DISC1: variants seen among roughly 807,000 people sequenced by gnomAD.
DISC1 encodes disrupted in schizophrenia 1 protein.
DISC1 carries 57 observed loss-of-function variants against 84.5 expected under a neutral mutation model. That is an observed-to-expected ratio of 0.67 (90% CI 0.55 to 0.84). DISC1 has a LOEUF of 0.84. Among genes scored for constraint, DISC1 ranks in the 40% least tolerant of loss-of-function variants. The probability of loss-of-function intolerance (pLI) is 0.00; values close to 1 mark genes in which losing one functional copy is unlikely to be tolerated. For synonymous variants in DISC1, 411 were observed against 415.2 expected (o/e 0.99, Z 0.12); for missense variants, 1,000 against 1,057.8 (o/e 0.95, Z 0.76).
intron 1 of DISC1, among the ~76,000 whole-genome samples, chr1:231,682,367 A>C (rs1417314924): frequency 6.6e-6 from 1 of 152,222 alleles, no homozygotes; most frequent in Non-Finnish European, 1.5e-5. Flanking sequence ...CTGTTTTTCA[A>C]GTGCCTTCAG....
At chr1:231,761,203 A>G (rs2075631842) in intron 4 of DISC1, among the ~76,000 whole-genome samples, 1 of 152,134 alleles carries the variant, frequency 6.6e-6, no homozygotes, top group Non-Finnish European at 1.5e-5. Flanking sequence ...CCCCATTGGC[A>G]CTGAGTGCTG....
chr1:231,911,960 G>C (rs183615515), intron 9 of DISC1, among the ~76,000 whole-genome samples: 85 of 152,038 alleles, frequency 5.6e-4, no homozygotes, highest in Non-Finnish European at 2.8e-4. Context: ...CCACTTGATC[G>C]AATCAGCTAC....
intron 9 of DISC1, among the ~76,000 whole-genome samples, chr1:231,920,106 T>G (rs2089906247): frequency 6.6e-6 from 1 of 152,162 alleles, no homozygotes; most frequent in South Asian, 2.1e-4. Flanking sequence ...CACTCTCAGT[T>G]GTGACAATCA....
chr1:231,860,699 C>G (rs531880041), intron 9 of DISC1, among the ~76,000 whole-genome samples: 23 of 152,286 alleles, frequency 1.5e-4, no homozygotes, highest in African/African-American at 4.8e-4. Flanking sequence ...TATCTTCAGA[C>G]TTATCACTAT....
chr1:231,661,736 C>T (rs978970577), intron 1 of DISC1, among the ~76,000 whole-genome samples: 1 of 152,178 alleles, frequency 6.6e-6, no homozygotes, highest in Non-Finnish European at 1.5e-5. Context: ...CTTCTGAAGT[C>T]TACTTCTGTC....
At chr1:231,871,067 T>TA (rs2085423531) in intron 9 of DISC1, among the ~76,000 whole-genome samples, 1 of 152,174 alleles carries the variant, frequency 6.6e-6, no homozygotes, top group South Asian at 2.1e-4. Context: ...ATAGGGCAGA[T>TA]ACTGTGTGCG....
chr1:231,890,598 T>C (rs2087135192), intron 9 of DISC1, among the ~76,000 whole-genome samples: 2 of 152,144 alleles, frequency 1.3e-5, no homozygotes, highest in Non-Finnish European at 2.9e-5. Context: ...GGGAGTTAAG[T>C]GTAATAGGTG....
intron 3 of DISC1, among the ~76,000 whole-genome samples, chr1:231,704,175 A>G (rs2066742398): frequency 6.6e-6 from 1 of 152,160 alleles, no homozygotes; most frequent in Non-Finnish European, 1.5e-5. Context: ...GCCCTCAGTA[A>G]ATGTGGTGTG....
At chr1:231,773,647 G>C (rs1173208781) in intron 6 of DISC1, among the ~76,000 whole-genome samples, 3 of 152,156 alleles carry the variant, frequency 2.0e-5, no homozygotes, top group Non-Finnish European at 2.9e-5. Context: ...GCCTCCCAAA[G>C]TGCTGAGATT....
chr1:231,658,469 T>G (rs1217780989), intron 1 of DISC1, among the ~76,000 whole-genome samples: 1 of 152,202 alleles, frequency 6.6e-6, no homozygotes, highest in Non-Finnish European at 1.5e-5. Context: ...ACACCCTTTA[T>G]TTTGTTCTCT....
At chr1:231,636,063 TC>T (rs1400854733) in intron 1 of DISC1, among the ~76,000 whole-genome samples, 1 of 152,172 alleles carries the variant, frequency 6.6e-6, no homozygotes, top group Non-Finnish European at 1.5e-5. Flanking sequence ...AAAGAAGGGC[TC>T]CTTTAATTTA....
At chr1:231,916,682 C>T (rs2089664263) in intron 9 of DISC1, among the ~76,000 whole-genome samples, 2 of 151,328 alleles carry the variant, frequency 1.3e-5, no homozygotes, top group East Asian at 1.9e-4. Flanking sequence ...AAGAAAGTTC[C>T]GAAGAGTTGC....
At chr1:231,977,701 C>T (rs1205303469) in intron 10 of DISC1, among the ~76,000 whole-genome samples, 6 of 152,136 alleles carry the variant, frequency 3.9e-5, no homozygotes, top group African/African-American at 9.7e-5. Flanking sequence ...ATCTACCACC[C>T]GCACCCTAGC....
At chr1:231,991,842 T>A (rs1665249890) in intron 10 of DISC1, among the ~76,000 whole-genome samples, 1 of 152,140 alleles carries the variant, frequency 6.6e-6, no homozygotes, top group Non-Finnish European at 1.5e-5. Flanking sequence ...TCCAGAAATA[T>A]CTCCCTCATG....
At position 231,795,292 on chromosome 1, in the gene DISC1, C is replaced by T. The variant is rs1417939795; in HGVS notation, c.1685C>T (p.Thr562Ile). The change falls in exon 7 of 13, where the codon ACT becomes ATT. Residue 562 changes from threonine (T) to isoleucine (I), a missense_variant. By Grantham distance (89) the Thr-to-Ile change is moderately conservative. Around this residue, in one of 3 missense-constraint regions of DISC1, gnomAD observed 397 missense variants for 377.5 expected, o/e 1.05. Coordinates refer to ENST00000439617, the MANE Select transcript of DISC1 (RefSeq NM_018662.3). Reference sequence around the variant, plus strand: ...AACTTGTCACTTAAAGAAATCACTACTAAGGTAAGTACCTTTATATTCCCA... The same window carrying T: ...AACTTGTCACTTAAAGAAATCACTATTAAGGTAAGTACCTTTATATTCCCA... Reference protein sequence around the residue: ...SLNLSLKEITTKVCMSEKFCS... With the variant: ...SLNLSLKEITIKVCMSEKFCS... 1.2e-6 allele frequency: 2 copies of T among 1,612,650 alleles called. No individual in the cohort carries two copies. The highest frequency in any genetic ancestry group is 2.2e-5 in the East Asian group (1 of 44,876).
intron 3 of DISC1, among the ~76,000 whole-genome samples, chr1:231,713,996 A>T (rs1017882682): frequency 6.6e-6 from 1 of 151,722 alleles, no homozygotes; most frequent in Non-Finnish European, 1.5e-5. Flanking sequence ...ATTATCCTAT[A>T]TGTAGAAAAT....
At chr1:232,033,683 A>G (rs1382172160) in intron 12 of DISC1, among the ~76,000 whole-genome samples, 1 of 141,300 alleles carries the variant, frequency 7.1e-6, no homozygotes, top group Non-Finnish European at 1.6e-5. Flanking sequence ...GAAACATTTG[A>G]ATGTTTGAAT....
intron 1 of DISC1, among the ~76,000 whole-genome samples, chr1:231,672,544 G>A (rs966357091): frequency 6.6e-6 from 1 of 152,150 alleles, no homozygotes; most frequent in Non-Finnish European, 1.5e-5. Context: ...CCATTTGTTT[G>A]TGTGTTTGTT....
At chr1:232,022,133 ACT>A (rs1223314850) in intron 11 of DISC1, among the ~76,000 whole-genome samples, 1 of 151,676 alleles carries the variant, frequency 6.6e-6, no homozygotes, top group Admixed American at 6.6e-5. Context: ...GAAGTAATAA[ACT>A]CTGTTTTTTG....
Sources: allele counts gnomAD v4.1 joint callset (sites outside exome capture counted in the v4.1 genomes callset), GRCh38; gene constraint gnomAD v4.1.1; regional missense constraint gnomAD v4.1.1; transcripts MANE v1.5; gene names NCBI Gene and HGNC (gene_info 2026-07-23, HGNC 2026-07-21).